PKD1L3: variants seen among roughly 807,000 people sequenced by gnomAD.
The protein encoded by PKD1L3 is polycystin 1 like 3, transient receptor potential channel interacting, also known as polycystin-1-like protein 3.
Under a neutral mutation model 184.1 loss-of-function variants are expected in PKD1L3, and 239 were observed. The ratio of observed to expected loss-of-function variants is 1.30; its 90% CI spans 1.17 to 1.45. The LOEUF is 1.45. Ranked by LOEUF, PKD1L3 falls within the 40% of genes most tolerant of loss-of-function variation. The probability of loss-of-function intolerance (pLI) is 0.00; values close to 1 mark genes in which losing one functional copy is unlikely to be tolerated. For synonymous variants in PKD1L3, 996 were observed against 778.8 expected, an observed-to-expected ratio of 1.28 and a Z score of -4.64; for missense variants, 2,660 against 2,067.2, an observed-to-expected ratio of 1.29 and a Z score of -5.56.
At chr16:71,994,020 T>G (rs1354863709) in intron 2 of PKD1L3, among the ~76,000 whole-genome samples, 1 of 152,206 alleles carries the variant, frequency 6.6e-6, no homozygotes, top group Non-Finnish European at 1.5e-5. Context: ...TGTGCCCGCC[T>G]TGGCCTCCCA....
chr16:71,933,394 G>A, intron 28 of PKD1L3, 26 bp downstream of exon 28: 1 of 1,482,408 alleles, frequency 6.7e-7, no homozygotes, highest in Non-Finnish European at 9.2e-7. Flanking sequence ...ATTGAATTCT[G>A]TGAGGAAACA....
At position 71,947,948 on chromosome 16, in the gene PKD1L3, G is replaced by T. The variant is rs1008789839; in HGVS notation, c.3619-357C>A. ...TTTTTTTTTTTTGAGACGGAGTCTC[G>T]CTCTGTCACCCAGGCTGGAATGCAG... On this transcript the variant is annotated intron_variant, in intron 21 of 29. Transcript: ENST00000620267. Among the ~76,000 whole-genome samples, 17 of 146,062 alleles carry T rather than the reference G, an allele frequency of 1.2e-4. 1 individual carries two copies.
chr16:71,997,752 A>AAAATAAATAAATAAATAAAT (rs58522217), intron 2 of PKD1L3, among the ~76,000 whole-genome samples: 4 of 145,632 alleles, frequency 2.7e-5, no homozygotes, highest in Non-Finnish European at 4.5e-5. Flanking sequence ...CAGTCTTGGA[A>AAAATAAATAAATAAATAAAT]AAATAAATAA....
intron 2 of PKD1L3, among the ~76,000 whole-genome samples, chr16:71,997,752 A>AAAAT (rs58522217): frequency 0.45 from 64,991 of 145,448 alleles, 15,444 homozygotes; most frequent in South Asian, 0.55. Flanking sequence ...CAGTCTTGGA[A>AAAAT]AAATAAATAA....
In PKD1L3 at chr16:71,979,910, T is replaced by C; in HGVS notation, c.1274A>G (p.Gln425Arg). The change falls in exon 9 of 30, where the codon CAA becomes CGA. Residue 425 changes from glutamine (Q) to arginine (R), a missense_variant and splice_region_variant. Gln to Arg is a conservative substitution (Grantham distance 43). Transcript: ENST00000620267. ...SANATLLLSR[Q>R]NISTLPLSSY... ...GCTCAGCGGTAAAGTTGATATGTTT[T>C]GTCTAATGAGAAAAGTTAAAATGGA... 6.4e-7 allele frequency: 1 copy of C among 1,550,796 alleles called. No individual in the cohort carries two copies. Among genetic ancestry groups the C allele is most frequent in the Non-Finnish European group, 8.7e-7 (1 of 1,146,860 alleles).
Position 71,942,695 on chromosome 16 carries a change from T to A in PKD1L3, c.4189A>T (p.Ser1397Cys). ...CTTAGATGAAGTCCAGGGAATAGGC[T>A]CTTGGGACGCCCACAGGTATGGCCG... ...DNGHTCGRPK[S>C]LFPGLHLRRF... The change falls in exon 24 of 30, where the codon AGC (serine) becomes TGC (cysteine). Residue 1397 changes from serine (S) to cysteine (C), a missense_variant. Transcript: ENST00000620267. 1 of 1,551,698 alleles carries A rather than the reference T, an allele frequency of 6.4e-7. No homozygotes were observed. Among genetic ancestry groups the A allele is most frequent in the Non-Finnish European group, 8.7e-7 (1 of 1,147,004 alleles).
intron 24 of PKD1L3, among the ~76,000 whole-genome samples, chr16:71,937,953 C>T (rs886595551): frequency 1.3e-5 from 2 of 152,174 alleles, no homozygotes; most frequent in African/African-American, 4.8e-5. Context: ...GTGGCTGCTG[C>T]CATGACATCG....
At chr16:71,956,356 G>C (rs1428631829) in intron 16 of PKD1L3, among the ~76,000 whole-genome samples, 3 of 151,722 alleles carry the variant, frequency 2.0e-5, no homozygotes, top group African/African-American at 7.3e-5. Flanking sequence ...GCCATGCCTG[G>C]CTAATTTTTG....
chr16:71,976,767 G>A (rs922873450), intron 11 of PKD1L3, among the ~76,000 whole-genome samples: 3 of 152,102 alleles, frequency 2.0e-5, no homozygotes, highest in Admixed American at 2.0e-4. Flanking sequence ...TTTTGAGACG[G>A]AGTCTGTCTC....
At chr16:71,984,932 C>T (rs1411286158) in intron 5 of PKD1L3, among the ~76,000 whole-genome samples, 2 of 152,072 alleles carry the variant, frequency 1.3e-5, no homozygotes, top group East Asian at 3.9e-4. Flanking sequence ...AGAAAACCTC[C>T]CTGCCCTAAG....
rs568840847 is a variant in PKD1L3, at chr16:71,980,092, T to C, written c.1186A>G (p.Ile396Val). ...LEMSLVEFGN[I>V]GEAFLEQNQS... ...TTCTGCTCTAGAAATGCTTCCCCGA[T>C]ATTCCCAAACTCCACCAAGGACATT... Residue 396 changes from isoleucine to valine, a missense_variant, in exon 8 of 30, where the codon ATC (isoleucine) becomes GTC (valine). Transcript: ENST00000620267. The C allele has an allele frequency of 2.4e-5, 37 of 1,551,752 alleles. No homozygotes were observed. Among genetic ancestry groups the C allele is most frequent in the African/African-American group, 9.6e-5 (7 of 73,170 alleles).
chr16:71,976,656 T>C (rs1441532166), intron 11 of PKD1L3, among the ~76,000 whole-genome samples: 1 of 152,230 alleles, frequency 6.6e-6, no homozygotes, highest in Admixed American at 6.5e-5. Context: ...AAGTAGCTCA[T>C]GTCTGTAATC....
chr16:71,975,653 A>C (rs1302977679), intron 11 of PKD1L3, among the ~76,000 whole-genome samples: 1 of 152,242 alleles, frequency 6.6e-6, no homozygotes, highest in Non-Finnish European at 1.5e-5. Context: ...GGGAATAACC[A>C]TATAACCATT....
chr16:71,933,771 C>G (rs1218680626), intron 27 of PKD1L3, 144 bp downstream of exon 27: 17 of 892,424 alleles, frequency 1.9e-5, no homozygotes, highest in Non-Finnish European at 2.8e-5. Context: ...TTAAGTCATA[C>G]CAGTTAAGTG....
chr16:71,976,720 A>G (rs1406640144), intron 11 of PKD1L3, among the ~76,000 whole-genome samples: 1 of 152,142 alleles, frequency 6.6e-6, no homozygotes, highest in Non-Finnish European at 1.5e-5. Context: ...GGAGTTCAAG[A>G]CCAGCCTGGG....
intron 24 of PKD1L3, among the ~76,000 whole-genome samples, chr16:71,941,244 G>A (rs1342440708): frequency 1.3e-5 from 2 of 151,374 alleles, no homozygotes; most frequent in East Asian, 3.9e-4. Flanking sequence ...GGATCAGAAG[G>A]AAAAAAACCA....
At chr16:71,988,285 C>A (rs760398358) in intron 4 of PKD1L3, among the ~76,000 whole-genome samples, 1 of 152,312 alleles carries the variant, frequency 6.6e-6, no homozygotes, top group East Asian at 1.9e-4. Flanking sequence ...ACCTCCACCT[C>A]CCAGGTTCAA....
Position 71,933,454 on chromosome 16 carries a change from A to C in PKD1L3, c.4892T>G (p.Val1631Gly). The change falls in exon 28 of 30, where the codon GTT becomes GGT. Residue 1631 changes from valine to glycine, a missense_variant. Val to Gly is a moderately radical substitution (Grantham distance 109). Coordinates refer to ENST00000620267, the MANE Select transcript of PKD1L3 (RefSeq NM_181536.2). ...RTFFSSAVTV[V>G]GLLMGISHQE... is the part of the protein sequence containing the mutation. ...GTGAGAAATTCCCATCAGGAGACCAACAACAGTCACTGCTGAGCTGAAAAA... is the reference window on the plus strand; with the variant it reads ...GTGAGAAATTCCCATCAGGAGACCACCAACAGTCACTGCTGAGCTGAAAAA... 1 of 1,550,940 alleles carries C rather than the reference A, an allele frequency of 6.4e-7. No individual in the cohort carries two copies. The highest frequency in any genetic ancestry group is 8.7e-7 in the Non-Finnish European group (1 of 1,146,230).
Position 71,969,973 on chromosome 16 carries a change from T to A in PKD1L3, c.2086A>T (p.Asn696Tyr), listed in dbSNP as rs1381277061. The change falls in exon 13 of 30, where the codon AAC becomes TAC. Residue 696 changes from asparagine to tyrosine, a missense_variant. Transcript: ENST00000620267. ...DTIKLFLRVT[N>Y]NPVGVSLLAS... Reference sequence around the variant, plus strand: ...AGCAGTGACACCCCAACAGGATTGTTGGTCACGCGAAGGAACAGTTTGATC... The same window carrying A: ...AGCAGTGACACCCCAACAGGATTGTAGGTCACGCGAAGGAACAGTTTGATC... The A allele has an allele frequency of 6.4e-7, 1 of 1,551,684 alleles. No individual in the cohort carries two copies. Among genetic ancestry groups the A allele is most frequent in the East Asian group, 2.4e-5 (1 of 40,926 alleles).
Sources: allele counts gnomAD v4.1 joint callset (sites outside exome capture counted in the v4.1 genomes callset), GRCh38; gene constraint gnomAD v4.1.1; transcripts MANE v1.5; gene names NCBI Gene and HGNC (gene_info 2026-07-23, HGNC 2026-07-21).